DNAAF10: variants seen among roughly 807,000 people sequenced by gnomAD.
DNAAF10 encodes dynein axonemal assembly factor 10.
DNAAF10 carries 28 observed loss-of-function variants against 43.7 expected under a neutral mutation model. The ratio of observed to expected loss-of-function variants is 0.64; its 90% CI spans 0.48 to 0.88. The LOEUF is 0.88. Among genes scored for constraint, DNAAF10 ranks in the 40% least tolerant of loss-of-function variants. The pLI is 0.00. For synonymous variants in DNAAF10, 156 were observed against 157.3 expected (o/e 0.99, Z 0.06); for missense variants, 403 against 439.1 (o/e 0.92, Z 0.73).
At chr2:68,135,624 C>T (rs1419111059) in intron 6 of DNAAF10, among the ~76,000 whole-genome samples, 4 of 152,166 alleles carry the variant, frequency 2.6e-5, no homozygotes, top group East Asian at 1.9e-4. Context: ...GGCTGGCTAT[C>T]GTGGTACACC....
chr2:68,148,162 C>T (rs377046937), intron 1 of DNAAF10, among the ~76,000 whole-genome samples: 6 of 152,142 alleles, frequency 3.9e-5, no homozygotes, highest in East Asian at 1.9e-4. Context: ...CAATCACATA[C>T]GAATATATTA....
At chr2:68,135,868 C>T (rs928495996) in intron 6 of DNAAF10, among the ~76,000 whole-genome samples, 1 of 152,084 alleles carries the variant, frequency 6.6e-6, no homozygotes, top group Non-Finnish European at 1.5e-5. Context: ...TTAAAATACA[C>T]CAGAGTCTTC....
intron 6 of DNAAF10, 128 bp from the exon 7 acceptor site, chr2:68,134,927 G>C (rs1330936979): frequency 9.8e-7 from 1 of 1,025,268 alleles, no homozygotes; most frequent in Non-Finnish European, 1.4e-6. Context: ...GTTATTTTCT[G>C]GCACATCTCT....
intron 1 of DNAAF10, among the ~76,000 whole-genome samples, chr2:68,155,451 G>A (rs914545139): frequency 3.3e-5 from 5 of 151,098 alleles, no homozygotes; most frequent in African/African-American, 1.2e-4. Context: ...CCAAGATCAC[G>A]CCACTGCACT....
rs1180384044 is a variant in DNAAF10, at chr2:68,131,348, G to C, written c.964C>G (p.Gln322Glu). The C allele has an allele frequency of 5.0e-6, 8 of 1,614,026 alleles. No homozygotes were observed. Among genetic ancestry groups the C allele is most frequent in the Non-Finnish European group, 8.5e-7 (1 of 1,180,026 alleles). ...SLLQNVTLST[Q>E]PISSLDWSPD... ...CTCCAATCCAAACTTGAAATGGGCT[G>C]GGTGGACAACGTAACATTCTGCAGA... Residue 322 changes from glutamine (Q) to glutamate (E), a missense_variant, in exon 8 of 8, where the codon CAG becomes GAG. Transcript: ENST00000295121.
rs748210858 is a variant in DNAAF10, at chr2:68,141,698, T to A, written c.513A>T (p.Ala171=). 6.2e-7 allele frequency: 1 copy of A among 1,611,206 alleles called. No homozygotes were observed. The highest frequency in any genetic ancestry group is 8.5e-7 in the Non-Finnish European group (1 of 1,179,108). The stretch of plus-strand genomic sequence containing the variant: ...AAGAATTCTTCAATAATTTACCAAA[T>A]GCCACAGTCCAACAGTCTCTCTTGT... ...GENKRDCWTV[A]FGNAYNQEER... The change falls in exon 4 of 8, where the codon GCA becomes GCT. Residue 171 remains alanine, a synonymous_variant. Coordinates refer to ENST00000295121, the MANE Select transcript of DNAAF10 (RefSeq NM_138458.4).
At chr2:68,140,536 G>C (rs1487808026) in intron 4 of DNAAF10, among the ~76,000 whole-genome samples, 1 of 152,032 alleles carries the variant, frequency 6.6e-6, no homozygotes, top group African/African-American at 2.4e-5. Flanking sequence ...TCCCTTCTCA[G>C]TGCTTGTAAC....
At chr2:68,147,029 A>C (rs1673334000) in intron 2 of DNAAF10, among the ~76,000 whole-genome samples, 1 of 152,188 alleles carries the variant, frequency 6.6e-6, no homozygotes. Flanking sequence ...ATATGTTTCT[A>C]AAAAGTTGTG....
intron 7 of DNAAF10, chr2:68,134,029 T>C (rs950140290): frequency 3.2e-6 from 2 of 629,608 alleles, no homozygotes; most frequent in Non-Finnish European, 4.0e-6. Context: ...GATATAATTT[T>C]TCCCCTCCAA....
intron 1 of DNAAF10, among the ~76,000 whole-genome samples, chr2:68,153,812 C>T (rs1025620423): frequency 1.5e-5 from 2 of 130,354 alleles, no homozygotes; most frequent in South Asian, 2.6e-4. Context: ...AGTGCAATGG[C>T]GCGATCTCGG....
chr2:68,153,215 C>T (rs2103639000), intron 1 of DNAAF10, among the ~76,000 whole-genome samples: 2 of 152,216 alleles, frequency 1.3e-5, no homozygotes, highest in South Asian at 4.1e-4. Context: ...GCCCTGCCCT[C>T]CATTCCCTAT....
chr2:68,141,407 T>G (rs1378701420), intron 4 of DNAAF10, among the ~76,000 whole-genome samples: 1 of 152,232 alleles, frequency 6.6e-6, no homozygotes, highest in Non-Finnish European at 1.5e-5. Flanking sequence ...TGACTCTTCA[T>G]GACAACACAA....
At chr2:68,143,805 G>T (rs1490826664) in intron 3 of DNAAF10, among the ~76,000 whole-genome samples, 1 of 152,090 alleles carries the variant, frequency 6.6e-6, no homozygotes, top group Non-Finnish European at 1.5e-5. Context: ...AATGGTTGTG[G>T]TAGTGTGGTA....
At position 68,134,471 on chromosome 2, in the gene DNAAF10, C is replaced by A. The variant is rs1397944232; in HGVS notation, c.866+231G>T. The A allele has an allele frequency of 1.1e-5, 15 of 1,309,324 alleles. No individual in the cohort carries two copies. In the South Asian group the frequency reaches 2.5e-4, roughly 22 times the overall value. 81.1% of individuals were successfully genotyped at this position (1,309,324 alleles called of 1,614,324 possible). Reference sequence around the variant, plus strand: ...ACTTTTTCATACTTAGAAGACACAACTAAAATGATATACTAAAATGTATCA... The same window carrying A: ...ACTTTTTCATACTTAGAAGACACAAATAAAATGATATACTAAAATGTATCA... On this transcript the variant is annotated intron_variant, in intron 7 of 7. Transcript: ENST00000295121.
intron 1 of DNAAF10, among the ~76,000 whole-genome samples, chr2:68,155,700 A>G (rs949436007): frequency 6.6e-6 from 1 of 152,036 alleles, no homozygotes; most frequent in African/African-American, 2.4e-5. Context: ...AAACAACAAC[A>G]ACAAAAAACA....
At chr2:68,143,656 T>C (rs1403291195) in intron 3 of DNAAF10, among the ~76,000 whole-genome samples, 2 of 152,158 alleles carry the variant, frequency 1.3e-5, no homozygotes, top group Non-Finnish European at 2.9e-5. Flanking sequence ...TATATAGTCA[T>C]TAAAATGATA....
intron 1 of DNAAF10, among the ~76,000 whole-genome samples, chr2:68,149,875 A>G (rs1438454908): frequency 6.6e-6 from 1 of 152,206 alleles, no homozygotes; most frequent in African/African-American, 2.4e-5. Context: ...AGACCCTCTG[A>G]GGTAAGAAGC....
intron 4 of DNAAF10, 128 bp from the exon 5 acceptor site, chr2:68,138,985 A>G (rs1673112015): frequency 1.5e-6 from 1 of 665,454 alleles, no homozygotes; most frequent in African/African-American, 1.8e-5. Flanking sequence ...ACTGGGTAGT[A>G]TCCCATCTTA....
At chr2:68,151,464 C>A (rs111938588) in intron 1 of DNAAF10, among the ~76,000 whole-genome samples, 3,795 of 152,288 alleles carry the variant, frequency 0.025, 141 homozygotes, top group African/African-American at 0.083. Flanking sequence ...ATTACTGTCA[C>A]TCACCCTGTT....
Sources: allele counts gnomAD v4.1 joint callset (sites outside exome capture counted in the v4.1 genomes callset), GRCh38; gene constraint gnomAD v4.1.1; transcripts MANE v1.5; gene names NCBI Gene and HGNC (gene_info 2026-07-23, HGNC 2026-07-21).